NUMB: variants seen among roughly 807,000 people sequenced by gnomAD.
NUMB encodes NUMB endocytic adaptor protein, also known as protein numb homolog.
A neutral mutation model predicts 59.7 loss-of-function variants in NUMB; 29 were observed. That is an observed-to-expected ratio of 0.49 (90% CI 0.36 to 0.66). The LOEUF (loss-of-function observed/expected upper bound fraction) is 0.66. Among genes scored for constraint, NUMB ranks in the 30% least tolerant of loss-of-function variants. The probability of loss-of-function intolerance (pLI) is 0.00; values close to 1 mark genes in which losing one functional copy is unlikely to be tolerated. For missense variants in NUMB, 723 were observed against 822.0 expected, an observed-to-expected ratio of 0.88 and a Z score of 1.47; for synonymous variants, 288 against 288.2, an observed-to-expected ratio of 1.00 and a Z score of 0.01.
At chr14:73,426,788 A>C (rs2140161189) in intron 1 of NUMB, among the ~76,000 whole-genome samples, 1 of 152,192 alleles carries the variant, frequency 6.6e-6, no homozygotes, top group East Asian at 1.9e-4. Flanking sequence ...CGGAGGTTGC[A>C]GTGAGCCAAG....
intron 1 of NUMB, among the ~76,000 whole-genome samples, chr14:73,420,249 C>T (rs1436140473): frequency 6.6e-6 from 1 of 152,210 alleles, no homozygotes; most frequent in Non-Finnish European, 1.5e-5. Flanking sequence ...CTGCAAGACA[C>T]GTTGTCGTCT....
At chr14:73,302,904 T>C (rs1890231036) in intron 6 of NUMB, among the ~76,000 whole-genome samples, 1 of 152,118 alleles carries the variant, frequency 6.6e-6, no homozygotes, top group Admixed American at 6.5e-5. Flanking sequence ...AAAAACTACA[T>C]TAAATATCAA....
intron 3 of NUMB, among the ~76,000 whole-genome samples, chr14:73,363,423 G>A (rs919309831): frequency 1.3e-5 from 2 of 152,036 alleles, no homozygotes; most frequent in African/African-American, 4.8e-5. Flanking sequence ...ATACCTGCCC[G>A]GCAAAATATT....
rs1233665481 is a variant in NUMB, at chr14:73,275,710, T to G, written c.*868A>C. ...CAGGACAATACTGCTTTTCCTTTAT[T>G]TAAAAAAAACTACAACCTAGTGACT... On this transcript the variant is annotated 3_prime_UTR_variant, in exon 13 of 13. Transcript: ENST00000555238. 1 of 152,460 alleles carries G rather than the reference T, an allele frequency of 6.6e-6. No individual in the cohort carries two copies. Among genetic ancestry groups the G allele is most frequent in the Non-Finnish European group, 1.5e-5 (1 of 68,046 alleles). The allele number at this position is 152,460 out of a possible 1,614,324, so 9.4% of individuals were successfully genotyped here. A position where few individuals can be genotyped will look rare whatever the true frequency, so the allele number is the denominator to read the frequency against.
intron 4 of NUMB, among the ~76,000 whole-genome samples, chr14:73,327,857 C>A (rs1357560518): frequency 6.6e-6 from 1 of 152,130 alleles, no homozygotes; most frequent in Non-Finnish European, 1.5e-5. Flanking sequence ...TGATCACTCT[C>A]AAAAATTCCC....
intron 2 of NUMB, among the ~76,000 whole-genome samples, chr14:73,404,922 G>A (rs1456337229): frequency 6.6e-6 from 1 of 151,932 alleles, no homozygotes; most frequent in Non-Finnish European, 1.5e-5. Context: ...CACTGAGCCC[G>A]GCTAATTTTT....
chr14:73,354,997 C>A (rs1451740677), intron 4 of NUMB, among the ~76,000 whole-genome samples: 3 of 152,060 alleles, frequency 2.0e-5, no homozygotes, highest in African/African-American at 7.2e-5. Flanking sequence ...TATATTGCTT[C>A]TTTTTACTAA....
At chr14:73,298,507 C>G (rs1889921313) in intron 6 of NUMB, 1 of 152,198 alleles carries the variant, frequency 6.6e-6, no homozygotes, top group Admixed American at 6.6e-5. Flanking sequence ...CAAGCTGATG[C>G]ATAATTCCTC....
intron 1 of NUMB, among the ~76,000 whole-genome samples, chr14:73,435,305 ACT>A (rs1898004213): frequency 7.8e-6 from 1 of 128,578 alleles, no homozygotes; most frequent in Non-Finnish European, 1.6e-5. Flanking sequence ...ACAGAGTCTC[ACT>A]CTGTCACCCA....
intron 4 of NUMB, among the ~76,000 whole-genome samples, chr14:73,342,317 T>A (rs1429505048): frequency 6.6e-6 from 1 of 152,248 alleles, no homozygotes; most frequent in Non-Finnish European, 1.5e-5. Flanking sequence ...CTTACTTGAT[T>A]TATTTCATTG....
intron 1 of NUMB, among the ~76,000 whole-genome samples, chr14:73,433,140 G>A (rs1202647482): frequency 6.6e-6 from 1 of 152,142 alleles, no homozygotes; most frequent in Non-Finnish European, 1.5e-5. Flanking sequence ...CTGGGAGGCA[G>A]AGGTTGCAGT....
At chr14:73,428,162 A>G (rs1370889364) in intron 1 of NUMB, among the ~76,000 whole-genome samples, 1 of 152,332 alleles carries the variant, frequency 6.6e-6, no homozygotes, top group East Asian at 1.9e-4. Context: ...TAGTCTCAAG[A>G]GAATAACTTG....
chr14:73,334,810 G>A (rs1404067963), intron 4 of NUMB, among the ~76,000 whole-genome samples: 3 of 152,022 alleles, frequency 2.0e-5, no homozygotes, highest in African/African-American at 7.2e-5. Flanking sequence ...TTAGCCAGGA[G>A]TGGTGGTGGG....
chr14:73,370,920 T>A (rs531535600), intron 2 of NUMB, among the ~76,000 whole-genome samples: 12 of 152,218 alleles, frequency 7.9e-5, no homozygotes, highest in Non-Finnish European at 1.6e-4. Flanking sequence ...TTTGCAAAGA[T>A]CATCAATTAT....
chr14:73,287,146 C>G lies in NUMB; in HGVS notation c.619G>C (p.Glu207Gln). 1 of 1,613,992 alleles carries G rather than the reference C, an allele frequency of 6.2e-7. No homozygotes were observed. The highest frequency in any genetic ancestry group is 8.5e-7 in the Non-Finnish European group (1 of 1,180,010). Residue 207 changes from glutamate to glutamine, a missense_variant, in exon 9 of 13, where the codon GAG becomes CAG. Transcript: ENST00000555238. ...VTTATEQAER[E>Q]EIMKQMQDAK... ...TCTTGCATTTGTTTCATGATCTCCT[C>G]TCTTTCTGCTTGTTCAGTGGCTGTT... is the stretch of plus-strand genomic sequence containing the variant.
At chr14:73,385,833 C>CTT (rs1895491679) in intron 2 of NUMB, among the ~76,000 whole-genome samples, 1 of 152,076 alleles carries the variant, frequency 6.6e-6, no homozygotes, top group Non-Finnish European at 1.5e-5. Context: ...AGGCACAGCT[C>CTT]TAAAACTTGG....
At chr14:73,356,621 G>C (rs190746741) in intron 3 of NUMB, among the ~76,000 whole-genome samples, 1 of 152,172 alleles carries the variant, frequency 6.6e-6, no homozygotes, top group East Asian at 1.9e-4. Context: ...GACAGAGTGA[G>C]ACTGTGTCTC....
chr14:73,430,456 T>C (rs1378576294), intron 1 of NUMB, among the ~76,000 whole-genome samples: 1 of 151,718 alleles, frequency 6.6e-6, no homozygotes, highest in Non-Finnish European at 1.5e-5. Context: ...CACAGTGAGA[T>C]GCCATTTCTA....
chr14:73,296,455 AAAG>A (rs1205839580), intron 7 of NUMB, among the ~76,000 whole-genome samples: 2 of 152,114 alleles, frequency 1.3e-5, no homozygotes, highest in Non-Finnish European at 2.9e-5. Flanking sequence ...AAAAAAAAAA[AAAG>A]AACTCAGATC....
Sources: gnomAD v4.1 joint callset for allele counts (sites outside exome capture counted in the v4.1 genomes callset) on GRCh38, gnomAD v4.1.1 for gene constraint, MANE v1.5 for transcripts, NCBI Gene and HGNC (gene_info 2026-07-23, HGNC 2026-07-21) for gene names.